ZNF600: variants seen among roughly 807,000 people sequenced by gnomAD.
The protein encoded by ZNF600 is zinc finger protein 600.
A neutral mutation model predicts 7.3 loss-of-function variants in ZNF600; 4 were observed. The observed-to-expected ratio is 0.55, with a 90% confidence interval of 0.27 to 1.25. ZNF600 has a LOEUF of 1.25. Among genes scored for constraint, ZNF600 ranks in the 50% most tolerant of loss-of-function variants. The pLI is 0.12. For synonymous variants in ZNF600, 290 were observed against 308.9 expected, an observed-to-expected ratio of 0.94 and a Z score of 0.64; for missense variants, 911 against 922.1, an observed-to-expected ratio of 0.99 and a Z score of 0.16.
intron 2 of ZNF600, among the ~76,000 whole-genome samples, chr19:52,777,432 T>G (rs867865299): frequency 3.3e-5 from 5 of 151,702 alleles, no homozygotes; most frequent in South Asian, 2.1e-4. Context: ...TGCCAGCAAT[T>G]TGGGAGGCCA....
chr19:52,788,152 C>T (rs1825441173), upstream of ZNF600, among the ~76,000 whole-genome samples: 1 of 152,274 alleles, frequency 6.6e-6, no homozygotes, highest in South Asian at 2.1e-4. Flanking sequence ...TTCCCAAGCT[C>T]ATGTCACTAG....
At chr19:52,798,501 C>G in the ZNF600 span, 3 of 506,282 alleles carry the variant, frequency 5.9e-6, no homozygotes, top group South Asian at 4.4e-5. Flanking sequence ...GAAGACCTTA[C>G]CACACTGATG....
chr19:52,818,628 A>G, the ZNF600 span, among the ~76,000 whole-genome samples: 1 of 152,124 alleles, frequency 6.6e-6, no homozygotes, highest in East Asian at 1.9e-4. Context: ...AATTGCTTGA[A>G]CCTGGAAGGT....
chr19:52,786,219 G>A (rs1008186755), intron 1 of ZNF600, among the ~76,000 whole-genome samples: 3 of 152,104 alleles, frequency 2.0e-5, no homozygotes, highest in Non-Finnish European at 2.9e-5. Flanking sequence ...CCCAACCCTG[G>A]CTCAGGGGAA....
the ZNF600 span, chr19:52,800,276 G>A: frequency 6.2e-7 from 1 of 1,613,476 alleles, no homozygotes; most frequent in Admixed American, 1.7e-5. Context: ...CATTACACAT[G>A]TATGGTTTCT....
chr19:52,770,437 A>C (rs2147503883), intron 3 of ZNF600, among the ~76,000 whole-genome samples: 1 of 152,304 alleles, frequency 6.6e-6, no homozygotes, highest in African/African-American at 2.4e-5. Context: ...GCTAGACTCC[A>C]TCTCAAATAA....
chr19:52,807,590 T>C, the ZNF600 span, among the ~76,000 whole-genome samples: 1 of 152,210 alleles, frequency 6.6e-6, no homozygotes, highest in Non-Finnish European at 1.5e-5. Context: ...TTCTCTTTCC[T>C]CAGCCTCTCT....
upstream of ZNF600, among the ~76,000 whole-genome samples, chr19:52,786,947 G>C (rs972610964): frequency 6.6e-6 from 1 of 152,250 alleles, no homozygotes; most frequent in African/African-American, 2.4e-5. Flanking sequence ...TCGAGTTTTT[G>C]GAGGCGACAG....
downstream of ZNF600, chr19:52,764,518 C>CA (rs2062553420): frequency 7.9e-6 from 1 of 126,628 alleles, no homozygotes; most frequent in Non-Finnish European, 1.7e-5. Context: ...CTTTGATATC[C>CA]TTTTTTTTTT....
intron 1 of ZNF600, among the ~76,000 whole-genome samples, chr19:52,779,583 G>A (rs905980162): frequency 2.0e-5 from 3 of 152,080 alleles, no homozygotes; most frequent in African/African-American, 7.2e-5. Context: ...GTGAATGATG[G>A]GCTGTGTGAA....
the ZNF600 span, among the ~76,000 whole-genome samples, chr19:52,811,222 G>A: frequency 1.6e-4 from 24 of 151,366 alleles, no homozygotes; most frequent in Middle Eastern, 3.4e-3. Context: ...GGAGTGCAGC[G>A]GCGTGATCTC....
At position 52,767,395 on chromosome 19, in the gene ZNF600, C is replaced by T. The variant is rs566585069; in HGVS notation, c.568G>A (p.Val190Ile). 11 of 1,614,002 alleles carry T rather than the reference C, an allele frequency of 6.8e-6. No individual in the cohort carries two copies. Among genetic ancestry groups the T allele is most frequent in the East Asian group, 6.7e-5 (3 of 44,866 alleles). The change falls in exon 4 of 4, where the codon GTT becomes ATT. Residue 190 changes from valine (V) to isoleucine (I), a missense_variant. Coordinates refer to ENST00000648973, the Ensembl canonical transcript of ZNF600. ...GGAGAAATTCTTTGGGATGTTGAAA[C>T]CGAGGGAGCATCACTGGTAGACTTC...
the ZNF600 span, among the ~76,000 whole-genome samples, chr19:52,827,254 A>G: frequency 2.0e-5 from 3 of 151,808 alleles, no homozygotes; most frequent in African/African-American, 4.8e-5. Flanking sequence ...AAAAACAAAA[A>G]AAAAAAAAGA....
chr19:52,802,338 A>T, the ZNF600 span, among the ~76,000 whole-genome samples: 6 of 151,920 alleles, frequency 3.9e-5, no homozygotes, highest in Non-Finnish European at 7.4e-5. Flanking sequence ...ACTGCACTCC[A>T]GCCCAGGTGA....
At chr19:52,767,591 G>C (rs1229763347) in exon 4 of ZNF600, 2 of 1,613,772 alleles carry the variant, frequency 1.2e-6, no homozygotes, top group Non-Finnish European at 1.7e-6. Flanking sequence ...GTGCTTCATG[G>C]CCATTTCTTT....
chr19:52,830,295 C>A, the ZNF600 span, among the ~76,000 whole-genome samples: 1 of 152,020 alleles, frequency 6.6e-6, no homozygotes, highest in African/African-American at 2.4e-5. Flanking sequence ...AACAAAAAAT[C>A]TGGAGAAAAA....
the ZNF600 span, chr19:52,801,333 G>A: frequency 6.2e-7 from 1 of 1,614,142 alleles, no homozygotes; most frequent in Non-Finnish European, 8.5e-7. Context: ...AACTGAGGAA[G>A]CATTGTTGAT....
intron 3 of ZNF600, among the ~76,000 whole-genome samples, chr19:52,769,160 A>G (rs2062612669): frequency 6.6e-6 from 1 of 152,040 alleles, no homozygotes; most frequent in Non-Finnish European, 1.5e-5. Context: ...GCAGACCGGG[A>G]AAGGGAGTCT....
At chr19:52,817,804 A>T in the ZNF600 span, 1 of 1,542,424 alleles carries the variant, frequency 6.5e-7, no homozygotes, top group Non-Finnish European at 8.9e-7. Flanking sequence ...GCGAGATGAG[A>T]TGAACTGAAG....
Sources: gnomAD v4.1 joint callset for allele counts (sites outside exome capture counted in the v4.1 genomes callset) on GRCh38, gnomAD v4.1.1 for gene constraint, MANE v1.5 for transcripts, NCBI Gene and HGNC (gene_info 2026-07-23, HGNC 2026-07-21) for gene names.